CPQ: variants seen among roughly 807,000 people sequenced by gnomAD.
The protein encoded by CPQ is carboxypeptidase Q, also known as Ser-Met dipeptidase.
In CPQ, 37 loss-of-function variants were observed where a neutral mutation model predicts 45.7. The ratio of observed to expected loss-of-function variants is 0.81; its 90% CI spans 0.62 to 1.07. The LOEUF (loss-of-function observed/expected upper bound fraction) is 1.07. Among genes scored for constraint, CPQ ranks in the 50% least tolerant of loss-of-function variants. CPQ has a pLI of 0.00. For missense variants in CPQ, 537 were observed against 572.9 expected (o/e 0.94, Z 0.64); for synonymous variants, 186 against 205.8 (o/e 0.90, Z 0.82).
chr8:97,033,422 C>T (rs1227935119), intron 6 of CPQ, among the ~76,000 whole-genome samples: 1 of 152,044 alleles, frequency 6.6e-6, no homozygotes, highest in Non-Finnish European at 1.5e-5. Flanking sequence ...CTATCTGGGT[C>T]TTTACAGAAA....
intron 3 of CPQ, among the ~76,000 whole-genome samples, chr8:96,874,840 G>A (rs1025088654): frequency 4.6e-5 from 7 of 151,744 alleles, no homozygotes; most frequent in East Asian, 1.9e-4. Flanking sequence ...TTTTCATTTC[G>A]TTATAATATA....
chr8:96,944,599 A>G (rs1252573137), intron 4 of CPQ, among the ~76,000 whole-genome samples: 1 of 152,166 alleles, frequency 6.6e-6, no homozygotes, highest in African/African-American at 2.4e-5. Flanking sequence ...TTGAAGGTTT[A>G]ATGAAATCAG....
intron 3 of CPQ, among the ~76,000 whole-genome samples, chr8:96,873,650 C>T (rs1394867697): frequency 1.3e-5 from 2 of 151,640 alleles, no homozygotes; most frequent in Admixed American, 1.3e-4. Flanking sequence ...AAAGACTATA[C>T]CTTCAAAAGC....
At chr8:97,141,601 C>T (rs1812165445) in intron 7 of CPQ, among the ~76,000 whole-genome samples, 1 of 152,118 alleles carries the variant, frequency 6.6e-6, no homozygotes, top group Non-Finnish European at 1.5e-5. Flanking sequence ...AAAAGGAAAA[C>T]ATTTTGGAAT....
intron 5 of CPQ, among the ~76,000 whole-genome samples, chr8:96,981,644 T>C (rs979579822): frequency 1.3e-5 from 2 of 152,236 alleles, no homozygotes; most frequent in East Asian, 1.9e-4. Context: ...ACTAATTACC[T>C]TTCTGAAACC....
intron 7 of CPQ, among the ~76,000 whole-genome samples, chr8:97,108,674 A>G (rs770088183): frequency 6.6e-6 from 1 of 152,236 alleles, no homozygotes; most frequent in Non-Finnish European, 1.5e-5. Flanking sequence ...GAGATGACGC[A>G]CTAAAGTAAA....
chr8:96,857,067 AC>A (rs1811861162), intron 3 of CPQ, among the ~76,000 whole-genome samples: 2 of 152,084 alleles, frequency 1.3e-5, no homozygotes, highest in South Asian at 4.1e-4. Flanking sequence ...CAATGCCTAG[AC>A]CCATCAGTCT....
Position 96,784,857 on chromosome 8 carries a change from T to C in CPQ, c.-34-7T>C. 6.5e-7 allele frequency: 1 copy of C among 1,539,482 alleles called. No individual in the cohort carries two copies. On this transcript the variant is annotated splice_polypyrimidine_tract_variant and splice_region_variant and intron_variant, in intron 1 of 7. Transcript: ENST00000220763. ...CCCCTAAAACATAATGTTTCTTATT[T>C]ATGTAGATTATCTTAACAAGAAAAC... is the stretch of plus-strand genomic sequence containing the variant.
intron 5 of CPQ, among the ~76,000 whole-genome samples, chr8:96,975,593 A>G (rs1275197819): frequency 6.6e-6 from 1 of 152,156 alleles, no homozygotes; most frequent in Admixed American, 6.5e-5. Flanking sequence ...TAAAATCCTC[A>G]ACAAAATACT....
chr8:96,865,827 CCATT>C (rs1177834058), intron 3 of CPQ, among the ~76,000 whole-genome samples: 3 of 152,128 alleles, frequency 2.0e-5, no homozygotes, highest in Admixed American at 1.3e-4. Flanking sequence ...CTTTTTCACT[CCATT>C]CACTCATTTA....
chr8:96,919,876 CA>C (rs1277724107), intron 4 of CPQ, among the ~76,000 whole-genome samples: 8 of 152,096 alleles, frequency 5.3e-5, no homozygotes, highest in African/African-American at 1.9e-4. Context: ...CATGAGGTAA[CA>C]AATGAGAATA....
chr8:96,994,028 C>T (rs1809137948), intron 5 of CPQ, among the ~76,000 whole-genome samples: 1 of 152,064 alleles, frequency 6.6e-6, no homozygotes, highest in Non-Finnish European at 1.5e-5. Flanking sequence ...GCTTGTGTGC[C>T]TCTTTCAACC....
intron 2 of CPQ, among the ~76,000 whole-genome samples, chr8:96,788,880 T>A (rs1810810870): frequency 6.6e-6 from 1 of 152,130 alleles, no homozygotes; most frequent in South Asian, 2.1e-4. Context: ...TCAAGCTTAC[T>A]GATTCTTTCT....
intron 7 of CPQ, among the ~76,000 whole-genome samples, chr8:97,121,671 A>T (rs945605925): frequency 6.6e-6 from 1 of 152,162 alleles, no homozygotes; most frequent in Non-Finnish European, 1.5e-5. Context: ...CCACAACTAG[A>T]ACACCCACTG....
At chr8:97,127,514 C>T (rs988114807) in intron 7 of CPQ, among the ~76,000 whole-genome samples, 1 of 151,770 alleles carries the variant, frequency 6.6e-6, no homozygotes, top group Admixed American at 6.6e-5. Context: ...ATGGTGAAAC[C>T]CCCATCTCTA....
At chr8:97,141,795 A>G (rs1337038726) in intron 7 of CPQ, among the ~76,000 whole-genome samples, 4 of 152,210 alleles carry the variant, frequency 2.6e-5, no homozygotes, top group African/African-American at 9.6e-5. Context: ...TGAAAATACT[A>G]GAGCTATACA....
chr8:96,867,219 T>A (rs1212966570), intron 3 of CPQ, among the ~76,000 whole-genome samples: 2 of 152,070 alleles, frequency 1.3e-5, no homozygotes, highest in African/African-American at 4.8e-5. Flanking sequence ...GAAAGAAAAA[T>A]TTAATTTCTC....
In CPQ at chr8:96,896,842, G is replaced by A. The variant is rs4641030; in HGVS notation, c.849+16837G>A. On this transcript the variant is annotated intron_variant, in intron 4 of 7. Coordinates refer to ENST00000220763, the MANE Select transcript of CPQ (RefSeq NM_016134.4). ...GAATGAGCTAATGAATGAAAGAAAA[G>A]TTATGCCTTCTGCACCAGCAGAAGC... Among the ~76,000 whole-genome samples the A allele has an allele frequency of 2.5e-3, 384 of 152,274 alleles. 3 individuals carry two copies. The highest frequency in any genetic ancestry group is 8.8e-3 in the African/African-American group (367 of 41,568).
intron 1 of CPQ, among the ~76,000 whole-genome samples, chr8:96,701,569 A>AT (rs112384839): frequency 0.024 from 3,689 of 152,326 alleles, 163 homozygotes; most frequent in African/African-American, 0.084. Context: ...AGCGCATACT[A>AT]GAAAAGCATG....
Sources: allele counts gnomAD v4.1 joint callset (sites outside exome capture counted in the v4.1 genomes callset), GRCh38; gene constraint gnomAD v4.1.1; transcripts MANE v1.5; gene names NCBI Gene and HGNC (gene_info 2026-07-23, HGNC 2026-07-21).